Variants in BRCA1 observed in about 807,000 individuals in gnomAD.
The protein encoded by BRCA1 is BRCA1 DNA repair associated, also known as breast cancer type 1 susceptibility protein.
Under a neutral mutation model 173.7 loss-of-function variants are expected in BRCA1, and 140 were observed. That is an observed-to-expected ratio of 0.81 (90% CI 0.70 to 0.93). The LOEUF is 0.93. BRCA1 is among the 40% of genes least tolerant of loss of function. BRCA1 has a pLI of 0.00. For missense variants in BRCA1, 1,983 were observed against 2,172.5 expected (o/e 0.91, Z 1.73); for synonymous variants, 662 against 756.0 (o/e 0.88, Z 2.04).
intron 1 of BRCA1, among the ~76,000 whole-genome samples, chr17:43,134,114 T>C (rs774868373): frequency 6.6e-6 from 1 of 152,254 alleles, no homozygotes; most frequent in Non-Finnish European, 1.5e-5. Flanking sequence ...TTCTCCTCTC[T>C]GGTCCCTTGA....
chr17:43,157,525 C>T (rs1193150399), intron 1 of BRCA1, among the ~76,000 whole-genome samples: 2 of 151,546 alleles, frequency 1.3e-5, no homozygotes, highest in African/African-American at 2.4e-5. Context: ...GGTGAAACCC[C>T]GTCTCTACTA....
intron 1 of BRCA1, among the ~76,000 whole-genome samples, chr17:43,149,095 T>G (rs550922644): frequency 6.6e-6 from 1 of 151,178 alleles, no homozygotes; most frequent in African/African-American, 2.4e-5. Context: ...CCCAATTAAC[T>G]TTTTTACTTT....
intron 1 of BRCA1, among the ~76,000 whole-genome samples, chr17:43,157,104 G>A (rs1338946892): frequency 6.6e-6 from 1 of 152,186 alleles, no homozygotes; most frequent in Non-Finnish European, 1.5e-5. Context: ...AAATTCTTCT[G>A]AAAGTCAAAA....
intron 1 of BRCA1, among the ~76,000 whole-genome samples, chr17:43,157,184 A>G (rs1038009977): frequency 1.3e-5 from 2 of 152,264 alleles, no homozygotes; most frequent in Non-Finnish European, 2.9e-5. Flanking sequence ...ATAGTGACTT[A>G]GAGTCCAGCA....
chr17:43,092,425 A>G lies in BRCA1; in HGVS notation c.3106T>C (p.Phe1036Leu), dbSNP rs766381694. 6 of 1,613,786 alleles carry G rather than the reference A, an allele frequency of 3.7e-6. No homozygotes were observed. Among genetic ancestry groups the G allele is most frequent in the Non-Finnish European group, 5.1e-6 (6 of 1,179,976 alleles). Reference protein sequence around the residue: ...ISRNNIRENVFKEASSSNINE... With the variant: ...ISRNNIRENVLKEASSSNINE... ...ATATTGCTTGAGCTGGCTTCTTTAA[A>G]AACATTTTCTCTAATGTTATTACGG... is the stretch of plus-strand genomic sequence containing the variant. Residue 1036 changes from phenylalanine to leucine, a missense_variant, in exon 10 of 23, where the codon TTT becomes CTT. Coordinates refer to ENST00000357654, the MANE Select transcript of BRCA1 (RefSeq NM_007294.4).
Position 43,092,152 on chromosome 17 carries a change from A to G in BRCA1, c.3379T>C (p.Tyr1127His), listed in dbSNP as rs1451089848. ...TGTTCTAAGTTATCTGAAATCAGAT[A>G]TGGAGAGAAATCTGTATTAACAGTC... ...VQTVNTDFSP[Y>H]LISDNLEQPM... The change falls in exon 10 of 23, where the codon TAT becomes CAT. Residue 1127 changes from tyrosine to histidine, a missense_variant. Tyr to His is a moderately conservative substitution (Grantham distance 83, BLOSUM62 2). Transcript: ENST00000357654. 4.4e-5 allele frequency: 71 copies of G among 1,613,596 alleles called. No individual in the cohort carries two copies. The highest frequency in any genetic ancestry group is 6.0e-5 in the Non-Finnish European group (71 of 1,179,874).
intron 22 of BRCA1, among the ~76,000 whole-genome samples, chr17:43,046,057 A>G: frequency 6.9e-6 from 1 of 145,930 alleles, no homozygotes; most frequent in African/African-American, 2.6e-5. Flanking sequence ...GAGTAGCTGG[A>G]ATTACAGGCA....
At chr17:43,048,920 G>A (rs1469438612) in intron 21 of BRCA1, among the ~76,000 whole-genome samples, 3 of 152,104 alleles carry the variant, frequency 2.0e-5, no homozygotes, top group African/African-American at 7.2e-5. Context: ...GAGGGAAAAA[G>A]TCTTCCCTCA....
intron 4 of BRCA1, among the ~76,000 whole-genome samples, chr17:43,105,587 G>T (rs759853985): frequency 6.6e-6 from 1 of 152,072 alleles, no homozygotes; most frequent in Non-Finnish European, 1.5e-5. Context: ...CCCTCACTTA[G>T]TTCTGCCTCT....
intron 17 of BRCA1, 49 bp from the exon 18 acceptor site, chr17:43,063,422 T>C (rs1011741395): frequency 6.7e-7 from 1 of 1,494,758 alleles, no homozygotes. Flanking sequence ...AAGAACGTGC[T>C]CTTTTCACGG....
At chr17:43,062,595 CT>C (rs1463694100) in intron 18 of BRCA1, among the ~76,000 whole-genome samples, 1 of 151,956 alleles carries the variant, frequency 6.6e-6, no homozygotes, top group Non-Finnish European at 1.5e-5. Context: ...CTGGTTTGCG[CT>C]GCAAAATTTT....
intron 12 of BRCA1, among the ~76,000 whole-genome samples, chr17:43,079,091 C>T (rs2052876856): frequency 6.6e-6 from 1 of 151,778 alleles, no homozygotes; most frequent in Non-Finnish European, 1.5e-5. Flanking sequence ...TCCCAGCTAC[C>T]CAGGAGGCTG....
rs556711785 is a variant in BRCA1 at position 43,138,598 on chromosome 17, G to A, written c.-19-14483C>T. On this transcript the variant is annotated intron_variant, in intron 1 of 7. Coordinates refer to the BRCA1 transcript ENST00000634433. ...AGGGCTCCCCACCATGCCTGGATGT[G>A]GAGTTGTGCTGCAGAGTGGTGGCTG... is the stretch of plus-strand genomic sequence containing the variant. 3.0e-4 allele frequency: 226 copies of A among 741,154 alleles called. 1 individual carries two copies. The highest frequency in any genetic ancestry group is 1.5e-3 in the South Asian group (102 of 69,882). 45.9% of individuals were successfully genotyped at this position (741,154 alleles called of 1,614,324 possible). A position where few individuals can be genotyped will look rare whatever the true frequency, so the allele number is the denominator to read the frequency against.
intron 11 of BRCA1, among the ~76,000 whole-genome samples, chr17:43,083,680 A>C (rs2053116606): frequency 6.6e-6 from 1 of 152,160 alleles, no homozygotes; most frequent in Admixed American, 6.5e-5. Context: ...GATCCAACAG[A>C]AAGAGCCCTG....
intron 1 of BRCA1, among the ~76,000 whole-genome samples, chr17:43,155,540 T>C (rs568537126): frequency 2.0e-5 from 3 of 152,128 alleles, no homozygotes; most frequent in South Asian, 4.1e-4. Context: ...GAAACTTTTT[T>C]TGGGGGGAGA....
intron 14 of BRCA1, among the ~76,000 whole-genome samples, chr17:43,072,115 C>T (rs767604013): frequency 6.6e-6 from 1 of 151,832 alleles, no homozygotes; most frequent in African/African-American, 2.4e-5. Context: ...AGGCCGGGTG[C>T]GGTGGCTCAG....
chr17:43,081,299 C>A (rs2052994097), intron 12 of BRCA1, among the ~76,000 whole-genome samples: 1 of 152,186 alleles, frequency 6.6e-6, no homozygotes, highest in African/African-American at 2.4e-5. Context: ...TAAGGAAATA[C>A]ATTTTGAAGC....
chr17:43,127,179 C>T (rs1168707624), upstream of BRCA1, among the ~76,000 whole-genome samples: 1 of 152,246 alleles, frequency 6.6e-6, no homozygotes, highest in Admixed American at 6.5e-5. Flanking sequence ...CCGGTCCCAT[C>T]GACTGCCCAA....
chr17:43,150,853 C>G (rs975996274), intron 1 of BRCA1, among the ~76,000 whole-genome samples: 2 of 152,186 alleles, frequency 1.3e-5, no homozygotes, highest in African/African-American at 4.8e-5. Context: ...CAAAGAGTCT[C>G]TCAGTTTTAG....
Sources: gnomAD v4.1 joint callset for allele counts (sites outside exome capture counted in the v4.1 genomes callset) on GRCh38, gnomAD v4.1.1 for gene constraint, MANE v1.5 for transcripts, NCBI Gene and HGNC (gene_info 2026-07-23, HGNC 2026-07-21) for gene names.